CDHR3: variants seen among roughly 807,000 people sequenced by gnomAD.
CDHR3 encodes cadherin related family member 3, also known as cadherin-related family member 3.
Under a neutral mutation model 86.6 loss-of-function variants are expected in CDHR3, and 79 were observed. That is an observed-to-expected ratio of 0.91 (90% confidence interval 0.76 to 1.10). The LOEUF is 1.10. CDHR3 is among the 50% of genes least tolerant of loss of function. The probability of loss-of-function intolerance (pLI) is 0.00; values close to 1 mark genes in which losing one functional copy is unlikely to be tolerated. For synonymous variants in CDHR3, 421 were observed against 402.4 expected, an observed-to-expected ratio of 1.05 and a Z score of -0.55; for missense variants, 1,081 against 1,077.6, an observed-to-expected ratio of 1.00 and a Z score of -0.04.
chr7:105,972,259 A>G (rs1157180351), intron 1 of CDHR3, among the ~76,000 whole-genome samples: 5 of 152,202 alleles, frequency 3.3e-5, no homozygotes, highest in Non-Finnish European at 7.3e-5. Flanking sequence ...AGCTAGCATG[A>G]TGCCAGCTGA....
intron 7 of CDHR3, among the ~76,000 whole-genome samples, chr7:106,003,084 T>C (rs1833440572): frequency 6.8e-6 from 1 of 146,296 alleles, no homozygotes; most frequent in African/African-American, 2.6e-5. Context: ...CAGTGAGCTA[T>C]GATCATTCCA....
At chr7:106,021,650 G>A (rs1836590865) in intron 13 of CDHR3, among the ~76,000 whole-genome samples, 1 of 152,198 alleles carries the variant, frequency 6.6e-6, no homozygotes, top group Non-Finnish European at 1.5e-5. Flanking sequence ...GGGTTCAGGA[G>A]GACCTGGGAC....
chr7:105,984,475 G>A (rs910570785), intron 4 of CDHR3, among the ~76,000 whole-genome samples, 186 bp downstream of exon 4: 2 of 152,148 alleles, frequency 1.3e-5, no homozygotes, highest in African/African-American at 4.8e-5. Context: ...AGACACTCTG[G>A]AGTGGATTTG....
At chr7:106,028,724 G>A (rs1189373383) in intron 17 of CDHR3, 142 bp downstream of exon 17, 2 of 792,700 alleles carry the variant, frequency 2.5e-6, no homozygotes, top group African/African-American at 1.7e-5. Context: ...GGAACAGATT[G>A]CTGTGTGACG....
intron 1 of CDHR3, among the ~76,000 whole-genome samples, chr7:105,972,628 C>T (rs530660964): frequency 1.1e-3 from 164 of 152,302 alleles, no homozygotes; most frequent in Non-Finnish European, 8.8e-4. Context: ...GAGTATTTTG[C>T]TCATTTTGAA....
At chr7:106,017,821 T>G (rs372650248) in intron 11 of CDHR3, 25 bp from the exon 12 acceptor site, 5 of 1,531,284 alleles carry the variant, frequency 3.3e-6, no homozygotes, top group Non-Finnish European at 4.4e-6. Flanking sequence ...AAGCAGGACT[T>G]ATTGCAGGTA....
In CDHR3 at chr7:105,973,770, CA is replaced by C. The variant is rs1410340162; in HGVS notation, c.47-1072del. On this transcript the variant is annotated intron_variant, in intron 1 of 18. Transcript: ENST00000317716. ...TCACTTGAGGCCAGGAGTTCAAGAC[CA>C]ACCTGGCCAACATGGTGAAACCTCG... 2.6e-5 allele frequency among the ~76,000 whole-genome samples: 4 copies of C among 152,208 alleles called. No homozygotes were observed. In the East Asian group the frequency reaches 7.7e-4, roughly 29 times the overall value.
At chr7:106,015,266 C>A (rs768592980) in intron 10 of CDHR3, 53 bp downstream of exon 10, 1 of 1,459,088 alleles carries the variant, frequency 6.9e-7, no homozygotes, top group African/African-American at 1.4e-5. Flanking sequence ...TATCAATGAC[C>A]AAACTCTGCT....
intron 3 of CDHR3, among the ~76,000 whole-genome samples, chr7:105,981,930 C>T (rs1437653861): frequency 6.6e-6 from 1 of 152,136 alleles, no homozygotes; most frequent in Non-Finnish European, 1.5e-5. Flanking sequence ...ATCTTGCCAG[C>T]TTCTAAATAT....
intron 2 of CDHR3, among the ~76,000 whole-genome samples, chr7:105,980,150 G>A (rs930336413): frequency 3.3e-5 from 5 of 152,224 alleles, no homozygotes; most frequent in Admixed American, 2.0e-4. Context: ...CATTACTTAC[G>A]CAGATGTATC....
chr7:106,013,287 G>A (rs1351455214), intron 9 of CDHR3, among the ~76,000 whole-genome samples: 3 of 152,218 alleles, frequency 2.0e-5, no homozygotes, highest in Non-Finnish European at 4.4e-5. Flanking sequence ...CAGTTTGTGT[G>A]CCTGCTTAGC....
chr7:105,994,634 A>G, intron 4 of CDHR3, 117 bp from the exon 5 acceptor site: 1 of 728,574 alleles, frequency 1.4e-6, no homozygotes, highest in Non-Finnish European at 2.5e-6. Context: ...CCGCATCCTG[A>G]TGCATCGAGA....
intron 4 of CDHR3, 34 bp downstream of exon 4, chr7:105,984,323 T>C: frequency 6.4e-7 from 1 of 1,551,730 alleles, no homozygotes; most frequent in Non-Finnish European, 8.8e-7. Flanking sequence ...GTGGTGTTTG[T>C]CCGTGTTGGG....
In CDHR3 at chr7:106,012,933, A is replaced by G; in HGVS notation, c.1126A>G (p.Ser376Gly). Residue 376 changes from serine to glycine, a missense_variant, in exon 9 of 19, where the codon AGT becomes GGT. Ser to Gly is a moderately conservative substitution (Grantham distance 56). Transcript: ENST00000317716. Reference protein sequence around the residue: ...DLNKFCFDDDSEAPNNRFNFT... With the variant: ...DLNKFCFDDDGEAPNNRFNFT... ...AAACAAGTTCTGCTTTGATGATGACAGTGAGGCACCAAACAACAGATTCAA... is the reference window on the plus strand; with the variant it reads ...AAACAAGTTCTGCTTTGATGATGACGGTGAGGCACCAAACAACAGATTCAA... 2 of 1,613,820 alleles carry G rather than the reference A, an allele frequency of 1.2e-6. No homozygotes were observed. The highest frequency in any genetic ancestry group is 1.7e-6 in the Non-Finnish European group (2 of 1,179,836).
intron 4 of CDHR3, among the ~76,000 whole-genome samples, chr7:105,993,050 T>A (rs907665346): frequency 2.0e-5 from 3 of 152,222 alleles, no homozygotes; most frequent in African/African-American, 7.2e-5. Context: ...AATCGCTGGG[T>A]TGGAAACCTT....
rs116446744 is a variant in CDHR3 at position 106,024,438 on chromosome 7, G to A, written c.2134G>A (p.Val712Met). Reference protein sequence around the residue: ...KNVYSPSAWYVPFVITLGSIL... With the variant: ...KNVYSPSAWYMPFVITLGSIL... ...CGTTTACTCTCCATCTGCATGGTAC[G>A]TGCCGTTTGTCATCACTTTGGGCTC... Residue 712 changes from valine (V) to methionine (M), a missense_variant, in exon 15 of 19, where the codon GTG (valine) becomes ATG (methionine). Val to Met is a conservative substitution (Grantham distance 21). Transcript: ENST00000317716. 1.1e-5 allele frequency: 18 copies of A among 1,613,978 alleles called. No individual in the cohort carries two copies. The highest frequency in any genetic ancestry group is 4.0e-5 in the African/African-American group (3 of 75,024).
intron 8 of CDHR3, among the ~76,000 whole-genome samples, chr7:106,005,699 C>T (rs909207715): frequency 6.6e-6 from 1 of 152,198 alleles, no homozygotes; most frequent in African/African-American, 2.4e-5. Flanking sequence ...GGACCCTAGA[C>T]CAGGATTGCC....
chr7:105,980,340 A>C (rs1005843002), intron 2 of CDHR3, among the ~76,000 whole-genome samples: 1 of 152,194 alleles, frequency 6.6e-6, no homozygotes, highest in South Asian at 2.1e-4. Flanking sequence ...TACGCGTAAT[A>C]TAAGATGTGC....
chr7:106,029,174 T>C (rs1297924759), intron 17 of CDHR3, among the ~76,000 whole-genome samples: 1 of 151,884 alleles, frequency 6.6e-6, no homozygotes, highest in African/African-American at 2.4e-5. Flanking sequence ...AGAGATGGGG[T>C]TTCACCATGT....
Sources: gnomAD v4.1 joint callset for allele counts (sites outside exome capture counted in the v4.1 genomes callset) on GRCh38, gnomAD v4.1.1 for gene constraint, MANE v1.5 for transcripts, NCBI Gene and HGNC (gene_info 2026-07-23, HGNC 2026-07-21) for gene names.